The following REV3L variants were observed in gnomAD, a reference collection of about 807,000 sequenced individuals.
REV3L encodes DNA polymerase zeta catalytic subunit.
REV3L carries 69 observed loss-of-function variants against 299.4 expected under a neutral mutation model. The ratio of observed to expected loss-of-function variants is 0.23; its 90% confidence interval spans 0.19 to 0.28. The LOEUF is 0.28. REV3L is among the 10% of genes least tolerant of loss of function. REV3L has a pLI of 1.00. For missense variants in REV3L, 3,128 were observed against 3,693.8 expected (o/e 0.85, Z 3.97); for synonymous variants, 1,238 against 1,271.4 (o/e 0.97, Z 0.56).
intron 1 of REV3L, 47 bp from the exon 2 acceptor site, chr6:111,416,519 C>T (rs1284164581): frequency 7.1e-7 from 1 of 1,400,608 alleles, no homozygotes; most frequent in East Asian, 2.4e-5. Context: ...CACAGTTTAA[C>T]AATACAAAAC....
At chr6:111,429,717 G>A (rs959241995) in intron 1 of REV3L, among the ~76,000 whole-genome samples, 2 of 152,168 alleles carry the variant, frequency 1.3e-5, no homozygotes, top group African/African-American at 2.4e-5. Flanking sequence ...GAGGGGCCTC[G>A]CGGGCCCCGC....
intron 1 of REV3L, among the ~76,000 whole-genome samples, chr6:111,459,224 G>A (rs1790484909): frequency 2.0e-5 from 3 of 152,112 alleles, no homozygotes; most frequent in African/African-American, 7.2e-5. Context: ...TAACTGGCTA[G>A]CCATATGCAG....
At chr6:111,365,077 A>G (rs1383094826) in intron 15 of REV3L, among the ~76,000 whole-genome samples, 188 bp downstream of exon 15, 1 of 151,816 alleles carries the variant, frequency 6.6e-6, no homozygotes, top group African/African-American at 2.4e-5. Context: ...AGAATCTTTT[A>G]GATCCCAACA....
intron 31 of REV3L, 83 bp downstream of exon 31, chr6:111,307,276 ATC>A: frequency 8.5e-7 from 1 of 1,183,206 alleles, no homozygotes; most frequent in Non-Finnish European, 1.3e-6. Context: ...CCAGTTTTGT[ATC>A]TCACACTATA....
At chr6:111,344,961 G>C (rs780047366) in intron 20 of REV3L, among the ~76,000 whole-genome samples, 8 of 152,134 alleles carry the variant, frequency 5.3e-5, no homozygotes, top group Non-Finnish European at 1.2e-4. Context: ...TCAATCTTCA[G>C]AACAATGGCA....
intron 4 of REV3L, among the ~76,000 whole-genome samples, chr6:111,405,029 C>G (rs1284216059): frequency 6.6e-6 from 1 of 151,918 alleles, no homozygotes; most frequent in African/African-American, 2.4e-5. Context: ...TAACAAGGCT[C>G]TAACAACTCC....
chr6:111,368,647 T>C (rs1779466102), intron 13 of REV3L, among the ~76,000 whole-genome samples: 1 of 152,190 alleles, frequency 6.6e-6, no homozygotes, highest in Non-Finnish European at 1.5e-5. Flanking sequence ...GGCTTAAATG[T>C]TACCAATGCA....
chr6:111,313,218 T>C (rs1224891497), intron 28 of REV3L, 134 bp downstream of exon 28: 1 of 679,214 alleles, frequency 1.5e-6, no homozygotes, highest in African/African-American at 1.9e-5. Flanking sequence ...ATTCATGTAG[T>C]TACTCCTATA....
At chr6:111,380,278 G>A in intron 10 of REV3L, 59 bp from the exon 11 acceptor site, 4 of 1,246,090 alleles carry the variant, frequency 3.2e-6, no homozygotes, top group Non-Finnish European at 4.6e-6. Flanking sequence ...TTTTGACACG[G>A]AGTCTTGCTC....
At chr6:111,422,591 TATACAC>T (rs1309979293) in intron 1 of REV3L, among the ~76,000 whole-genome samples, 5 of 28,430 alleles carry the variant, frequency 1.8e-4, no homozygotes, top group African/African-American at 2.8e-4. Context: ...TATATATATA[TATACAC>T]ATATATATAT....
chr6:111,316,533 G>A (rs1397171877), intron 26 of REV3L, among the ~76,000 whole-genome samples: 1 of 151,966 alleles, frequency 6.6e-6, no homozygotes, highest in Non-Finnish European at 1.5e-5. Context: ...AGGGGAGGTG[G>A]CGTGTGCCTG....
intron 30 of REV3L, 187 bp downstream of exon 30, chr6:111,309,666 C>G: frequency 1.9e-6 from 1 of 529,714 alleles, no homozygotes; most frequent in Non-Finnish European, 3.2e-6. Context: ...GGGGGTGGAG[C>G]CCTAGCCAGG....
chr6:111,472,132 G>T, intron 1 of REV3L: 5 of 1,261,094 alleles, frequency 4.0e-6, no homozygotes, highest in Non-Finnish European at 4.1e-6. Context: ...GCTTGTCTTG[G>T]GTTTTATTCT....
chr6:111,340,351 A>G (rs1378051315), intron 21 of REV3L, among the ~76,000 whole-genome samples: 1 of 152,176 alleles, frequency 6.6e-6, no homozygotes, highest in African/African-American at 2.4e-5. Flanking sequence ...AATATTAGAG[A>G]TTAGGAAAAG....
At chr6:111,341,268 G>A (rs1174038287) in intron 21 of REV3L, among the ~76,000 whole-genome samples, 1 of 152,146 alleles carries the variant, frequency 6.6e-6, no homozygotes, top group Non-Finnish European at 1.5e-5. Context: ...GGCTGGTCTC[G>A]AACTCCTGAC....
chr6:111,468,753 TA>T (rs34530226), intron 1 of REV3L, among the ~76,000 whole-genome samples: 143,742 of 152,264 alleles, frequency 0.94, 67,884 homozygotes, highest in East Asian at 1. Flanking sequence ...GCATGTAAGA[TA>T]ATATTTAGCC....
At chr6:111,366,878 A>G (rs907484133) in intron 14 of REV3L, among the ~76,000 whole-genome samples, 1 of 152,220 alleles carries the variant, frequency 6.6e-6, no homozygotes, top group Non-Finnish European at 1.5e-5. Context: ...AGTTGAGAAG[A>G]TAAGCCTTTT....
At chr6:111,338,240 C>T (rs1034466160) in intron 21 of REV3L, among the ~76,000 whole-genome samples, 10 of 143,534 alleles carry the variant, frequency 7.0e-5, no homozygotes, top group African/African-American at 1.3e-4. Flanking sequence ...AGTATGTTGA[C>T]GATAATTTGT....
In REV3L at chr6:111,310,090, C is replaced by T. The variant is rs375332884; in HGVS notation, c.8805G>A (p.Leu2935=). The change falls in exon 30 of 32, where the codon CTG becomes CTA. Residue 2935 remains leucine (L), a synonymous_variant. Coordinates refer to ENST00000368802, the MANE Select transcript of REV3L (RefSeq NM_001372078.1). The stretch of plus-strand genomic sequence containing the variant: ...GAGGCTCAGAGCGCCGGTCATAAGT[C>T]AGCATTTTCCTATTCGAATTCAAAG... ...VPALELTRKM[L]TYDRRSEPQV... 105 of 1,519,946 alleles carry T rather than the reference C, an allele frequency of 6.9e-5. No homozygotes were observed. In the African/African-American group the frequency reaches 1.2e-3, roughly 18 times the overall value. 94.2% of individuals were successfully genotyped at this position (1,519,946 alleles called of 1,614,324 possible).
Sources: gnomAD v4.1 joint callset for allele counts (sites outside exome capture counted in the v4.1 genomes callset) on GRCh38, gnomAD v4.1.1 for gene constraint, MANE v1.5 for transcripts, NCBI Gene and HGNC (gene_info 2026-07-23, HGNC 2026-07-21) for gene names.